Variants in SLC24A2 observed in about 807,000 individuals in gnomAD.
SLC24A2 encodes solute carrier family 24 member 2, also known as sodium/potassium/calcium exchanger 2.
In SLC24A2, 36 loss-of-function variants were observed where a neutral mutation model predicts 62.0. That is an observed-to-expected ratio of 0.58 (90% confidence interval 0.44 to 0.77). SLC24A2 has a LOEUF of 0.77. Among genes scored for constraint, SLC24A2 ranks in the 30% least tolerant of loss-of-function variants. The pLI is 0.00. For missense variants in SLC24A2, 846 were observed against 817.9 expected (o/e 1.03, Z -0.42); for synonymous variants, 358 against 294.0 (o/e 1.22, Z -2.23).
chr9:19,788,572 G>C (rs1162435067), intron 1 of SLC24A2: 1 of 985,338 alleles, frequency 1.0e-6, no homozygotes, highest in Admixed American at 6.1e-5. Flanking sequence ...GAGGCGCTTG[G>C]CCCGCATCCC....
At chr9:19,867,636 G>T in the SLC24A2 span, among the ~76,000 whole-genome samples, 15 of 152,144 alleles carry the variant, frequency 9.9e-5, no homozygotes, top group Non-Finnish European at 1.5e-4. Flanking sequence ...CAGGCCGGGC[G>T]CAGTGGCTCA....
chr9:19,708,536 T>A (rs1820607351), intron 2 of SLC24A2, among the ~76,000 whole-genome samples: 2 of 152,180 alleles, frequency 1.3e-5, no homozygotes, highest in Admixed American at 6.5e-5. Flanking sequence ...CAAAACAGCA[T>A]GGTACTGGTA....
At chr9:19,789,459 G>C (rs1407838611), upstream of SLC24A2, among the ~76,000 whole-genome samples, 1 of 152,240 alleles carries the variant, frequency 6.6e-6, no homozygotes, top group Non-Finnish European at 1.5e-5. Context: ...AGGCCTGCAG[G>C]ACAGGCTGTT....
the SLC24A2 span, among the ~76,000 whole-genome samples, chr9:20,012,901 A>G: frequency 6.6e-6 from 1 of 152,332 alleles, no homozygotes; most frequent in Admixed American, 6.5e-5. Flanking sequence ...AACTTGAAAA[A>G]AAAAACCACA....
chr9:19,870,680 C>T, the SLC24A2 span, among the ~76,000 whole-genome samples: 8 of 152,036 alleles, frequency 5.3e-5, no homozygotes, highest in East Asian at 1.9e-4. Context: ...TGTTATTTTC[C>T]GTTTTGTGAC....
the SLC24A2 span, among the ~76,000 whole-genome samples, chr9:19,889,561 G>A: frequency 2.6e-5 from 4 of 152,120 alleles, no homozygotes; most frequent in African/African-American, 7.2e-5. Context: ...AGGGGTGAGG[G>A]ATGGGGTCCC....
chr9:20,088,080 G>A, the SLC24A2 span, among the ~76,000 whole-genome samples: 1 of 152,172 alleles, frequency 6.6e-6, no homozygotes, highest in East Asian at 1.9e-4. Context: ...GGAACCACAG[G>A]AGCTTTAGAT....
intron 2 of SLC24A2, among the ~76,000 whole-genome samples, chr9:19,687,975 G>A (rs1418003703): frequency 6.6e-6 from 1 of 151,974 alleles, no homozygotes; most frequent in African/African-American, 2.4e-5. Flanking sequence ...GTACTTTCCA[G>A]TAATTTATCT....
chr9:20,265,662 T>C, the SLC24A2 span, among the ~76,000 whole-genome samples: 5 of 152,124 alleles, frequency 3.3e-5, no homozygotes, highest in Non-Finnish European at 5.9e-5. Flanking sequence ...GTTTGAACAA[T>C]ATGAAATCTG....
chr9:19,525,044 C>T (rs1413713484), intron 9 of SLC24A2, among the ~76,000 whole-genome samples: 1 of 152,216 alleles, frequency 6.6e-6, no homozygotes, highest in East Asian at 1.9e-4. Context: ...GGCTGAAAAC[C>T]AGCCCACCTT....
At chr9:20,202,567 G>C in the SLC24A2 span, among the ~76,000 whole-genome samples, 3 of 152,140 alleles carry the variant, frequency 2.0e-5, no homozygotes, top group Admixed American at 2.0e-4. Flanking sequence ...AGATGGGCAG[G>C]AGTTGCCTAC....
the SLC24A2 span, among the ~76,000 whole-genome samples, chr9:20,278,006 T>A: frequency 2.1e-3 from 316 of 152,214 alleles, 3 homozygotes; most frequent in African/African-American, 7.4e-3. Context: ...AAACTCTCCA[T>A]GTTCTCACTC....
the SLC24A2 span, among the ~76,000 whole-genome samples, chr9:20,128,699 C>T: frequency 6.6e-6 from 1 of 152,210 alleles, no homozygotes; most frequent in South Asian, 2.1e-4. Flanking sequence ...GCTAAGACCG[C>T]TCAATGGGGA....
At chr9:19,895,265 C>A in the SLC24A2 span, among the ~76,000 whole-genome samples, 1 of 149,254 alleles carries the variant, frequency 6.7e-6, no homozygotes. Flanking sequence ...CAATTGGGGG[C>A]CAAAAATAAA....
chr9:19,560,960 C>CT (rs1448395672), intron 7 of SLC24A2, among the ~76,000 whole-genome samples: 8 of 148,898 alleles, frequency 5.4e-5, no homozygotes, highest in Non-Finnish European at 1.2e-4. Flanking sequence ...GAGTCTTACT[C>CT]TGTCACCCAG....
chr9:20,231,873 G>A, the SLC24A2 span, among the ~76,000 whole-genome samples: 12 of 152,142 alleles, frequency 7.9e-5, no homozygotes, highest in African/African-American at 2.9e-4. Context: ...CTGTGGGTTT[G>A]TCATAGATAG....
the SLC24A2 span, among the ~76,000 whole-genome samples, chr9:19,918,125 C>T: frequency 6.2e-5 from 9 of 145,546 alleles, no homozygotes; most frequent in Admixed American, 4.2e-4. Flanking sequence ...TTTTCTTCTT[C>T]TAACAACTGA....
the SLC24A2 span, among the ~76,000 whole-genome samples, chr9:20,251,810 A>G: frequency 6.6e-6 from 1 of 152,238 alleles, no homozygotes; most frequent in Non-Finnish European, 1.5e-5. Flanking sequence ...TCTGTCACCC[A>G]CAACATATCA....
the SLC24A2 span, among the ~76,000 whole-genome samples, chr9:19,959,544 T>C: frequency 5.9e-5 from 9 of 152,252 alleles, no homozygotes; most frequent in Non-Finnish European, 1.0e-4. Flanking sequence ...TGTATCACTG[T>C]AAATTAGCCC....
Sources: allele counts gnomAD v4.1 joint callset (sites outside exome capture counted in the v4.1 genomes callset), GRCh38; gene constraint gnomAD v4.1.1; transcripts MANE v1.5; gene names NCBI Gene and HGNC (gene_info 2026-07-23, HGNC 2026-07-21).